BABAM2: variants seen among roughly 807,000 people sequenced by gnomAD.
The protein encoded by BABAM2 is BRISC and BRCA1 A complex member 2.
BABAM2 carries 31 observed loss-of-function variants against 54.7 expected under a neutral mutation model. That is an observed-to-expected ratio of 0.57 (90% CI 0.43 to 0.77). BABAM2 has a LOEUF of 0.77. Among genes scored for constraint, BABAM2 ranks in the 30% least tolerant of loss-of-function variants. The pLI is 0.00. For missense variants in BABAM2, 364 were observed against 455.8 expected, an observed-to-expected ratio of 0.80 and a Z score of 1.83; for synonymous variants, 167 against 162.9, an observed-to-expected ratio of 1.03 and a Z score of -0.19.
intron 4 of BABAM2, chr2:28,015,656 T>C: frequency 2.8e-6 from 2 of 705,338 alleles, no homozygotes; most frequent in East Asian, 1.5e-4. Flanking sequence ...AGAAAATTCA[T>C]GCATTTTAGT....
intron 7 of BABAM2, among the ~76,000 whole-genome samples, chr2:28,222,534 G>A (rs1188898613): frequency 6.6e-6 from 1 of 152,222 alleles, no homozygotes; most frequent in African/African-American, 2.4e-5. Context: ...CTATGGGCCA[G>A]CCATACAACT....
intron 5 of BABAM2, among the ~76,000 whole-genome samples, chr2:28,035,759 T>C (rs1676617053): frequency 1.3e-5 from 2 of 152,202 alleles, no homozygotes; most frequent in Non-Finnish European, 2.9e-5. Context: ...TTTCTGGTTT[T>C]TAACCTTATT....
chr2:28,269,971 C>CA (rs942806284), intron 10 of BABAM2, among the ~76,000 whole-genome samples: 2 of 151,932 alleles, frequency 1.3e-5, no homozygotes, highest in Non-Finnish European at 2.9e-5. Flanking sequence ...ATTGTCTTGA[C>CA]ATTATTTATA....
chr2:28,184,957 G>T (rs1676125805), intron 7 of BABAM2, among the ~76,000 whole-genome samples: 1 of 151,722 alleles, frequency 6.6e-6, no homozygotes, highest in Non-Finnish European at 1.5e-5. Context: ...TTTTTTTCTT[G>T]GTTCATAATG....
At chr2:28,224,976 T>C (rs1213132977) in intron 7 of BABAM2, among the ~76,000 whole-genome samples, 2 of 151,804 alleles carry the variant, frequency 1.3e-5, no homozygotes, top group Non-Finnish European at 2.9e-5. Flanking sequence ...GGAAAAATGA[T>C]GAAGTTGCAA....
chr2:28,221,682 G>C (rs1334283154), intron 7 of BABAM2, among the ~76,000 whole-genome samples: 1 of 152,128 alleles, frequency 6.6e-6, no homozygotes, highest in East Asian at 1.9e-4. Flanking sequence ...CCCTGTTGTT[G>C]ATTGAAATTT....
intron 2 of BABAM2, among the ~76,000 whole-genome samples, chr2:27,918,935 C>G (rs1667169197): frequency 1.3e-5 from 2 of 152,180 alleles, no homozygotes; most frequent in African/African-American, 4.8e-5. Context: ...AGTGATCCAC[C>G]TGACTTGGCC....
intron 6 of BABAM2, among the ~76,000 whole-genome samples, chr2:28,125,768 ATATT>A (rs540956019): frequency 8.6e-4 from 131 of 152,372 alleles, no homozygotes; most frequent in African/African-American, 3.1e-3. Flanking sequence ...ACACAAAAGA[ATATT>A]TATTGCAGCA....
intron 4 of BABAM2, among the ~76,000 whole-genome samples, chr2:28,003,120 G>T (rs902556477): frequency 6.6e-6 from 1 of 152,124 alleles, no homozygotes; most frequent in Non-Finnish European, 1.5e-5. Context: ...TGACTTCTTG[G>T]TGTTTACTGA....
intron 6 of BABAM2, among the ~76,000 whole-genome samples, chr2:28,084,154 C>A (rs1665433580): frequency 6.6e-6 from 1 of 152,082 alleles, no homozygotes; most frequent in South Asian, 2.1e-4. Flanking sequence ...CAGCGGCAAC[C>A]ATACAGGATT....
rs981725108 is a variant in BABAM2 at position 28,238,838 on chromosome 2, C to G, written c.780+1537C>G. On this transcript the variant is annotated intron_variant, in intron 8 of 11. Transcript: ENST00000379624. ...GATTAATTTCTAGTCATACATTTTCCTCAAAAAAAAATTATAACACCGTTT... is the reference window on the plus strand; with the variant it reads ...GATTAATTTCTAGTCATACATTTTCGTCAAAAAAAAATTATAACACCGTTT... 9.3e-4 allele frequency among the ~76,000 whole-genome samples: 8 copies of G among 8,628 alleles called. No homozygotes were observed. The Non-Finnish European group carries it at 0.013, about 13-fold the overall frequency. The allele number at this position is 8,628 out of a possible 152,430, so 5.7% of individuals were successfully genotyped here. A position where few individuals can be genotyped will look rare whatever the true frequency, so the allele number is the denominator to read the frequency against.
intron 7 of BABAM2, among the ~76,000 whole-genome samples, chr2:28,219,372 A>G (rs994416295): frequency 1.3e-5 from 2 of 152,302 alleles, no homozygotes; most frequent in Admixed American, 1.3e-4. Context: ...TTCTTCTGTC[A>G]TCATATTTCT....
chr2:28,099,700 A>G (rs1666913732), intron 6 of BABAM2, among the ~76,000 whole-genome samples: 2 of 152,226 alleles, frequency 1.3e-5, no homozygotes, highest in Non-Finnish European at 2.9e-5. Flanking sequence ...ATTGAAAAGC[A>G]TAACATTCTT....
chr2:28,293,478 T>C lies in BABAM2; in HGVS notation c.935-4860T>C, dbSNP rs748791371. On this transcript the variant is annotated intron_variant, in intron 10 of 11. Transcript: ENST00000379624. Reference sequence around the variant, plus strand: ...AGCATAGTTTATCAGTGCATTCGGCTTTCCCCCAAAGCTGCATGGTTGGCT... The same window carrying C: ...AGCATAGTTTATCAGTGCATTCGGCCTTCCCCCAAAGCTGCATGGTTGGCT... Among the ~76,000 whole-genome samples, 199 of 152,184 alleles carry C rather than the reference T, an allele frequency of 1.3e-3. 1 individual carries two copies. The highest frequency in any genetic ancestry group is 5.4e-4 in the Non-Finnish European group (37 of 68,032).
rs139830054 is a variant in BABAM2 at position 28,058,126 on chromosome 2, A to G, written c.570+12327A>G. On this transcript the variant is annotated intron_variant, in intron 6 of 11. Transcript: ENST00000379624. Reference sequence around the variant, plus strand: ...GCTACTGCATTCCAGCCTGGGTGACAGAGTGAGACTGTCTCAAAAAAAAAA... The same window carrying G: ...GCTACTGCATTCCAGCCTGGGTGACGGAGTGAGACTGTCTCAAAAAAAAAA... 5.7e-3 allele frequency among the ~76,000 whole-genome samples: 869 copies of G among 151,948 alleles called. 7 individuals carry two copies. Among genetic ancestry groups the G allele is most frequent in the African/African-American group, 0.02 (825 of 41,470 alleles).
At chr2:28,057,401 T>C (rs1042941614) in intron 6 of BABAM2, among the ~76,000 whole-genome samples, 5 of 152,188 alleles carry the variant, frequency 3.3e-5, no homozygotes, top group African/African-American at 9.7e-5. Flanking sequence ...AGGGAAGCCT[T>C]GCAACCTATG....
At chr2:28,175,443 C>T (rs1026763668) in intron 7 of BABAM2, among the ~76,000 whole-genome samples, 1 of 152,186 alleles carries the variant, frequency 6.6e-6, no homozygotes, top group Non-Finnish European at 1.5e-5. Flanking sequence ...CCAAGCATGC[C>T]TTCCAGTGTC....
chr2:28,130,354 G>C (rs1313305938), intron 7 of BABAM2, among the ~76,000 whole-genome samples: 1 of 152,112 alleles, frequency 6.6e-6, no homozygotes, highest in Non-Finnish European at 1.5e-5. Context: ...TCAAATATGG[G>C]AGCTTATGAA....
intron 9 of BABAM2, among the ~76,000 whole-genome samples, chr2:28,243,900 G>C (rs1186201727): frequency 6.6e-6 from 1 of 152,092 alleles, no homozygotes; most frequent in Non-Finnish European, 1.5e-5. Context: ...GATTGGCCTG[G>C]TTTGGTCAGG....
Sources: allele counts gnomAD v4.1 joint callset (sites outside exome capture counted in the v4.1 genomes callset), GRCh38; gene constraint gnomAD v4.1.1; transcripts MANE v1.5; gene names NCBI Gene and HGNC (gene_info 2026-07-23, HGNC 2026-07-21).